PIK3CD: variants seen among roughly 807,000 people sequenced by gnomAD.
PIK3CD encodes phosphatidylinositol 4,5-bisphosphate 3-kinase catalytic subunit delta isoform.
A neutral mutation model predicts 122.9 loss-of-function variants in PIK3CD; 20 were observed. The observed-to-expected ratio is 0.16, with a 90% CI of 0.11 to 0.24. PIK3CD has a LOEUF of 0.24. Ranked by LOEUF, PIK3CD falls within the 10% of genes least tolerant of loss-of-function variation. The probability of loss-of-function intolerance (pLI) is 1.00; values close to 1 mark genes in which losing one functional copy is unlikely to be tolerated. For synonymous variants in PIK3CD, 596 were observed against 593.4 expected (o/e 1.00, Z -0.06); for missense variants, 787 against 1,406.3 (o/e 0.56, Z 7.04).
chr1:9,703,880 T>C (rs191981160), intron 2 of PIK3CD, among the ~76,000 whole-genome samples: 1 of 152,330 alleles, frequency 6.6e-6, no homozygotes, highest in African/African-American at 2.4e-5. Flanking sequence ...GGGTGTGTAC[T>C]TTGGAGCGGA....
chr1:9,699,042 TAAAC>T (rs939695150), intron 2 of PIK3CD, among the ~76,000 whole-genome samples: 2 of 151,868 alleles, frequency 1.3e-5, no homozygotes, highest in Non-Finnish European at 2.9e-5. Context: ...AATAAATAAA[TAAAC>T]AAAGCTCTGC....
chr1:9,640,904 T>G, the PIK3CD span, among the ~76,000 whole-genome samples: 1 of 152,072 alleles, frequency 6.6e-6, no homozygotes, highest in East Asian at 1.9e-4. Context: ...TTGCACCATT[T>G]CTTCCCAAAG....
At position 9,652,013 on chromosome 1, in the gene PIK3CD, G is replaced by A. The variant is rs1375812634; in HGVS notation, c.-138+211G>A. On this transcript the variant is annotated intron_variant, in intron 1 of 23. Transcript: ENST00000377346. This position sits in a 1 kb window ranked among gnomAD's most constrained non-coding sequence, Gnocchi z 6.2. Reference sequence around the variant, plus strand: ...GGGGCCGGGCTGCTGGGACCTGGGCGGGGGCTGCCCTAGAGGCCCGGGGCC... The same window carrying A: ...GGGGCCGGGCTGCTGGGACCTGGGCAGGGGCTGCCCTAGAGGCCCGGGGCC... Among the ~76,000 whole-genome samples, 2 of 151,862 alleles carry A rather than the reference G, an allele frequency of 1.3e-5. No individual in the cohort carries two copies. The highest frequency in any genetic ancestry group is 6.6e-5 in the Admixed American group (1 of 15,254).
intron 6 of PIK3CD, 117 bp from the exon 7 acceptor site, chr1:9,716,842 T>TGGA: frequency 7.0e-7 from 1 of 1,437,016 alleles, no homozygotes; most frequent in Non-Finnish European, 9.7e-7. Flanking sequence ...CAGGAAGCCC[T>TGGA]CCCCTCTCCC....
chr1:9,664,489 G>T (rs1312213802), intron 1 of PIK3CD, among the ~76,000 whole-genome samples: 4 of 152,196 alleles, frequency 2.6e-5, no homozygotes, highest in Non-Finnish European at 2.9e-5. Flanking sequence ...CCAAAGCCCT[G>T]CACAGATACA....
chr1:9,657,670 A>G lies in PIK3CD; in HGVS notation c.-138+5868A>G, dbSNP rs573375274. 3.3e-5 allele frequency among the ~76,000 whole-genome samples: 5 copies of G among 151,952 alleles called. 1 individual carries two copies. The highest frequency in any genetic ancestry group is 7.2e-5 in the African/African-American group (3 of 41,420). ...ACAAACTCCTCCCTCTTTATCTTCA[A>G]CAACAGTCCCTGCCCTCCGCAGCCC... On this transcript the variant is annotated intron_variant, in intron 1 of 23. Coordinates refer to ENST00000377346, the MANE Select transcript of PIK3CD (RefSeq NM_005026.5).
intron 1 of PIK3CD, among the ~76,000 whole-genome samples, chr1:9,669,035 CT>C (rs1010330229): frequency 3.3e-5 from 5 of 152,156 alleles, no homozygotes; most frequent in African/African-American, 1.2e-4. Context: ...CCAGATGACC[CT>C]ATATGCTGTT....
Position 9,723,870 on chromosome 1 carries a change from C to T in PIK3CD, c.2595-99C>T, listed in dbSNP as rs138688913. 1 of 1,118,002 alleles carries T rather than the reference C, an allele frequency of 8.9e-7. No individual in the cohort carries two copies. Among genetic ancestry groups the T allele is most frequent in the East Asian group, 2.5e-5 (1 of 40,096 alleles). 69.3% of individuals were successfully genotyped at this position (1,118,002 alleles called of 1,614,324 possible). On this transcript the variant is annotated intron_variant, in intron 20 of 23. Coordinates refer to ENST00000377346, the MANE Select transcript of PIK3CD (RefSeq NM_005026.5). This position sits in a 1 kb window ranked among gnomAD's most constrained non-coding sequence, Gnocchi z 4.9. ...CCATGTTCTGTTGGTCAAAGCAAGT[C>T]ACAGGGCCAGATTCAAGGGGAGAGG... is the stretch of plus-strand genomic sequence containing the variant.
intron 1 of PIK3CD, among the ~76,000 whole-genome samples, chr1:9,665,579 C>T (rs1396497022): frequency 6.6e-6 from 1 of 151,872 alleles, no homozygotes; most frequent in African/African-American, 2.4e-5. Context: ...TGGACATTGA[C>T]ATGTCCAATT....
At position 9,717,210 on chromosome 1, in the gene PIK3CD, G is replaced by A; in HGVS notation, c.930+102G>A. ...CATGGGTCCAGGGGCCCTTGGTATG[G>A]AGAGCTGGGGCTTTGAGCTGGGGAA... On this transcript the variant is annotated intron_variant, in intron 7 of 23. Transcript: ENST00000377346. The surrounding 1 kb of genome is among the most constrained non-coding windows in gnomAD (Gnocchi z 5.4). 1 of 1,428,226 alleles carries A rather than the reference G, an allele frequency of 7.0e-7. No homozygotes were observed. The highest frequency in any genetic ancestry group is 9.8e-7 in the Non-Finnish European group (1 of 1,019,284). The allele number at this position is 1,428,226 out of a possible 1,614,324, so 88.5% of individuals were successfully genotyped here. A position where few individuals can be genotyped will look rare whatever the true frequency, so the allele number is the denominator to read the frequency against.
At chr1:9,649,522 C>T (rs1241631883), upstream of PIK3CD, among the ~76,000 whole-genome samples, 5 of 152,146 alleles carry the variant, frequency 3.3e-5, no homozygotes, top group Admixed American at 1.3e-4. Context: ...CCTGAGCCAT[C>T]ATGCCTGGCC....
upstream of PIK3CD, among the ~76,000 whole-genome samples, chr1:9,648,280 C>T (rs55834425): frequency 9.3e-3 from 1,422 of 152,290 alleles, 20 homozygotes; most frequent in African/African-American, 0.033. Context: ...CACATCTTAG[C>T]GCTTGACAAC....
chr1:9,705,611 C>T (rs1022605492), intron 2 of PIK3CD, among the ~76,000 whole-genome samples: 59 of 152,052 alleles, frequency 3.9e-4, no homozygotes, highest in African/African-American at 1.4e-3. Context: ...ATTCAACCAA[C>T]AAAGGAATGG....
chr1:9,674,359 G>T (rs939095144), intron 1 of PIK3CD, among the ~76,000 whole-genome samples: 6 of 152,132 alleles, frequency 3.9e-5, no homozygotes, highest in Non-Finnish European at 7.4e-5. Context: ...TGTACCCTGT[G>T]CCAGGCAGTG....
chr1:9,649,930 G>A (rs955993056), upstream of PIK3CD, among the ~76,000 whole-genome samples: 1 of 152,168 alleles, frequency 6.6e-6, no homozygotes, highest in Non-Finnish European at 1.5e-5. Context: ...TAGGGGAGGA[G>A]AGAGTGGCCT....
chr1:9,637,364 TACA>T, the PIK3CD span, among the ~76,000 whole-genome samples: 1 of 152,110 alleles, frequency 6.6e-6, no homozygotes, highest in East Asian at 1.9e-4. Context: ...ACTCCATCTC[TACA>T]ACATTACAAA....
rs1170875124 is a variant in PIK3CD at position 9,718,272 on chromosome 1, T to TG, written c.1021-420dup. ...TGGATCAGAGGGACTTCCAGGGTGG[T>TG]GGTGTCAGGTGGAATTGGAAGGGGC... On this transcript the variant is annotated intron_variant, in intron 8 of 23. Coordinates refer to ENST00000377346, the MANE Select transcript of PIK3CD (RefSeq NM_005026.5). This position sits in a 1 kb window ranked among gnomAD's most constrained non-coding sequence, Gnocchi z 7.2. The TG allele has an allele frequency of 6.5e-6, 3 of 462,932 alleles. No individual in the cohort carries two copies. The highest frequency in any genetic ancestry group is 1.3e-4 in the East Asian group (2 of 15,676). 28.7% of individuals were successfully genotyped at this position (462,932 alleles called of 1,614,324 possible). A position where few individuals can be genotyped will look rare whatever the true frequency, so the allele number is the denominator to read the frequency against.
At chr1:9,648,973 G>A (rs114884664), upstream of PIK3CD, among the ~76,000 whole-genome samples, 550 of 152,158 alleles carry the variant, frequency 3.6e-3, 1 homozygote, top group African/African-American at 0.012. Flanking sequence ...ATGGTGGCAC[G>A]CATCTGCAGT....
upstream of PIK3CD, among the ~76,000 whole-genome samples, chr1:9,648,869 A>G (rs1388043664): frequency 1.3e-5 from 2 of 152,216 alleles, no homozygotes; most frequent in Non-Finnish European, 2.9e-5. Flanking sequence ...TGGGAGGCTG[A>G]GGCGGGCAGA....
Sources: allele counts gnomAD v4.1 joint callset (sites outside exome capture counted in the v4.1 genomes callset), GRCh38; gene constraint gnomAD v4.1.1; non-coding constraint Gnocchi (gnomAD v3.1); transcripts MANE v1.5; gene names NCBI Gene and HGNC (gene_info 2026-07-23, HGNC 2026-07-21).